Variants in PADI3 observed in about 807,000 individuals in gnomAD.
The protein encoded by PADI3 is peptidyl arginine deiminase 3.
In PADI3, 53 loss-of-function variants were observed where a neutral mutation model predicts 71.5. The ratio of observed to expected loss-of-function variants is 0.74; its 90% CI spans 0.59 to 0.93. The LOEUF (loss-of-function observed/expected upper bound fraction) is 0.93. Ranked by LOEUF, PADI3 falls within the 40% of genes least tolerant of loss-of-function variation. The probability of loss-of-function intolerance (pLI) is 0.00; values close to 1 mark genes in which losing one functional copy is unlikely to be tolerated. For synonymous variants in PADI3, 361 were observed against 347.5 expected (o/e 1.04, Z -0.43); for missense variants, 821 against 868.0 (o/e 0.95, Z 0.68).
chr1:17,270,749 C>A (rs988049649), intron 7 of PADI3, 130 bp from the exon 8 acceptor site: 91 of 700,388 alleles, frequency 1.3e-4, no homozygotes, highest in Non-Finnish European at 1.9e-4. Context: ...TCTTGACCAC[C>A]CCTCTGGTTC....
intron 5 of PADI3, 109 bp from the exon 6 acceptor site, chr1:17,267,728 G>A: frequency 3.8e-6 from 5 of 1,310,638 alleles, no homozygotes; most frequent in Non-Finnish European, 5.3e-6. Flanking sequence ...CTAGGGCTGG[G>A]AGACCCAGGT....
Position 17,270,390 on chromosome 1 carries a change from T to C in PADI3, c.810T>C (p.Thr270=), listed in dbSNP as rs2073231023. The C allele has an allele frequency of 6.2e-7, 1 of 1,613,194 alleles. No homozygotes were observed. The highest frequency in any genetic ancestry group is 8.5e-7 in the Non-Finnish European group (1 of 1,179,764). ...CAGGACTCATCTCCTTCCATGTCAC[T>C]CTGCTGGACGACTCCAACGAGGTAG... is the stretch of plus-strand genomic sequence containing the variant. ...GFTGLISFHV[T]LLDDSNEDFS... is the part of the protein sequence containing the mutation. Residue 270 remains threonine, a synonymous_variant, in exon 7 of 16, where the codon ACT becomes ACC. Coordinates refer to ENST00000375460, the MANE Select transcript of PADI3 (RefSeq NM_016233.2).
chr1:17,252,237 G>A (rs1012690461), intron 1 of PADI3, among the ~76,000 whole-genome samples: 2 of 152,098 alleles, frequency 1.3e-5, no homozygotes, highest in African/African-American at 4.8e-5. Flanking sequence ...GGTCTGACAA[G>A]TGCTATCCCA....
At chr1:17,262,323 C>T in intron 3 of PADI3, 118 bp downstream of exon 3, 1 of 694,410 alleles carries the variant, frequency 1.4e-6, no homozygotes. Flanking sequence ...ACTTCTAGTT[C>T]CCCAAACCCA....
chr1:17,276,980 G>A, intron 13 of PADI3, 104 bp downstream of exon 13: 1 of 921,450 alleles, frequency 1.1e-6, no homozygotes, highest in Admixed American at 2.8e-5. Flanking sequence ...AAGCAGGGGT[G>A]TGTCCCCAAA....
chr1:17,266,044 T>C (rs562155490), intron 4 of PADI3, among the ~76,000 whole-genome samples: 1 of 152,314 alleles, frequency 6.6e-6, no homozygotes, highest in African/African-American at 2.4e-5. Context: ...TTAGGCTTTG[T>C]GGGACATATG....
intron 2 of PADI3, 29 bp from the exon 3 acceptor site, chr1:17,262,104 G>A: frequency 1.2e-6 from 2 of 1,605,672 alleles, no homozygotes; most frequent in Admixed American, 3.4e-5. Context: ...GGCTTCTGCT[G>A]GTATTACTCT....
intron 10 of PADI3, 89 bp downstream of exon 10, chr1:17,273,536 G>A (rs957844891): frequency 1.3e-6 from 1 of 742,302 alleles, no homozygotes; most frequent in Non-Finnish European, 2.3e-6. Flanking sequence ...GAGGGCAGCA[G>A]TGGGAACCGT....
chr1:17,270,145 T>C, intron 6 of PADI3, 88 bp from the exon 7 acceptor site: 1 of 1,462,858 alleles, frequency 6.8e-7, no homozygotes, highest in East Asian at 2.4e-5. Flanking sequence ...GAATTTTTGG[T>C]GAGGCTGCAG....
intron 1 of PADI3, among the ~76,000 whole-genome samples, chr1:17,251,335 C>A (rs542024130): frequency 6.6e-6 from 1 of 152,172 alleles, no homozygotes; most frequent in Non-Finnish European, 1.5e-5. Context: ...GGGTCCTCAG[C>A]CTGCGGGCCA....
chr1:17,268,577 G>A (rs2073203634), intron 6 of PADI3, among the ~76,000 whole-genome samples: 1 of 136,888 alleles, frequency 7.3e-6, no homozygotes, highest in Non-Finnish European at 1.5e-5. Context: ...GCGTGACCTC[G>A]GGTCACTGCA....
chr1:17,280,561 C>T, intron 14 of PADI3, 110 bp from the exon 15 acceptor site: 1 of 1,539,466 alleles, frequency 6.5e-7, no homozygotes, highest in Non-Finnish European at 9.0e-7. Flanking sequence ...ACAGAGGGGT[C>T]CCAACACCCT....
chr1:17,257,052 A>G (rs2073037475), intron 1 of PADI3, among the ~76,000 whole-genome samples: 1 of 150,996 alleles, frequency 6.6e-6, no homozygotes, highest in Non-Finnish European at 1.5e-5. Context: ...AAAAAAAAAA[A>G]AAAAAAAGGC....
intron 1 of PADI3, among the ~76,000 whole-genome samples, chr1:17,259,285 C>T (rs1038856546): frequency 4.6e-5 from 7 of 152,042 alleles, no homozygotes; most frequent in Non-Finnish European, 7.4e-5. Flanking sequence ...TGGCCAGGCT[C>T]GACCTCAAGT....
rs765599039 is a variant in PADI3, at chr1:17,276,504, C to A, written c.1308-15C>A. ...TTTAGTTAAGCAACTTTTTTTTTAA[C>A]CTCGTGGGTCCCAGGTCAAGTGGCC... is the stretch of plus-strand genomic sequence containing the variant. On this transcript the variant is annotated splice_polypyrimidine_tract_variant and intron_variant, in intron 11 of 15. Transcript: ENST00000375460. 9 of 1,611,960 alleles carry A rather than the reference C, an allele frequency of 5.6e-6. No homozygotes were observed. Among genetic ancestry groups the A allele is most frequent in the Non-Finnish European group, 6.8e-6 (8 of 1,179,500 alleles).
At chr1:17,269,280 G>A (rs186789207) in intron 6 of PADI3, among the ~76,000 whole-genome samples, 36 of 152,188 alleles carry the variant, frequency 2.4e-4, no homozygotes, top group African/African-American at 7.7e-4. Context: ...CTTTCCAACC[G>A]GCTTCTTTCA....
intron 10 of PADI3, among the ~76,000 whole-genome samples, chr1:17,274,327 A>G (rs11203346): frequency 0.13 from 20,108 of 152,144 alleles, 1,541 homozygotes; most frequent in Non-Finnish European, 0.16. Flanking sequence ...AGGTAAGGGG[A>G]TGGAGTGGCC....
chr1:17,254,498 T>C (rs1174907669), intron 1 of PADI3, among the ~76,000 whole-genome samples: 1 of 152,218 alleles, frequency 6.6e-6, no homozygotes, highest in East Asian at 1.9e-4. Flanking sequence ...GCTCTGTCAC[T>C]TGCTAGCTGT....
intron 13 of PADI3, among the ~76,000 whole-genome samples, chr1:17,277,464 G>T (rs1413767996): frequency 6.6e-6 from 1 of 152,196 alleles, no homozygotes; most frequent in Non-Finnish European, 1.5e-5. Context: ...CAAAGTGCTG[G>T]GATTACAGGC....
Sources: gnomAD v4.1 joint callset for allele counts (sites outside exome capture counted in the v4.1 genomes callset) on GRCh38, gnomAD v4.1.1 for gene constraint, MANE v1.5 for transcripts, NCBI Gene and HGNC (gene_info 2026-07-23, HGNC 2026-07-21) for gene names.